ANAPC1: variants seen among roughly 807,000 people sequenced by gnomAD.
ANAPC1 encodes the protein anaphase-promoting complex subunit 1.
Under a neutral mutation model 208.0 loss-of-function variants are expected in ANAPC1, and 36 were observed. The ratio of observed to expected loss-of-function variants is 0.17; its 90% CI spans 0.13 to 0.23. The LOEUF is 0.23. Ranked by LOEUF, ANAPC1 falls within the 10% of genes least tolerant of loss-of-function variation. ANAPC1 has a pLI of 1.00. For synonymous variants in ANAPC1, 378 were observed against 695.2 expected, an observed-to-expected ratio of 0.54 and a Z score of 7.18; for missense variants, 942 against 2,011.6, an observed-to-expected ratio of 0.47 and a Z score of 10.17.
chr2:111,832,779 A>C (rs1680222849), intron 20 of ANAPC1, among the ~76,000 whole-genome samples: 1 of 151,676 alleles, frequency 6.6e-6, no homozygotes, highest in Non-Finnish European at 1.5e-5. Flanking sequence ...AATACAGAAA[A>C]ATTAGCCAGG....
chr2:111,823,000 CTTTTTTTT>C (rs58815496), intron 24 of ANAPC1, among the ~76,000 whole-genome samples: 46 of 61,280 alleles, frequency 7.5e-4, no homozygotes, highest in Non-Finnish European at 1.1e-3. Context: ...TCTTTTTATT[CTTTTTTTT>C]TTTTTTTTTT....
chr2:111,820,176 T>C (rs1277174293), intron 26 of ANAPC1, among the ~76,000 whole-genome samples: 1 of 152,098 alleles, frequency 6.6e-6, no homozygotes. Context: ...GTGAAAAAAC[T>C]TGCATCTTAG....
intron 46 of ANAPC1, among the ~76,000 whole-genome samples, chr2:111,775,712 T>C (rs938260235): frequency 1.3e-5 from 2 of 152,118 alleles, no homozygotes; most frequent in Non-Finnish European, 2.9e-5. Flanking sequence ...ATATGAAATG[T>C]GCAAATCAGG....
chr2:111,775,799 T>C (rs1240191771), intron 46 of ANAPC1, among the ~76,000 whole-genome samples: 2 of 152,176 alleles, frequency 1.3e-5, no homozygotes, highest in Non-Finnish European at 2.9e-5. Context: ...TTAAATTGAA[T>C]AAAAACGAAA....
Position 111,834,723 on chromosome 2 carries a change from G to A in ANAPC1, c.2265C>T (p.Leu755=). 1.2e-6 allele frequency: 2 copies of A among 1,613,522 alleles called. No homozygotes were observed. The highest frequency in any genetic ancestry group is 1.7e-6 in the Non-Finnish European group (2 of 1,179,774). Residue 755 remains leucine, a synonymous_variant, in exon 19 of 48, where the codon CTC becomes CTT. Coordinates refer to ENST00000341068, the MANE Select transcript of ANAPC1 (RefSeq NM_022662.4). Reference sequence around the variant, plus strand: ...AAAAAATTGCAGGTATGTGAGTAAAGAGAAGTGTAGAAGAATCCAGACTGA... The same window carrying A: ...AAAAAATTGCAGGTATGTGAGTAAAAAGAAGTGTAGAAGAATCCAGACTGA... The part of the protein sequence containing the change: ...QNLSLDSSTL[L]FTHIPAIFFV...
chr2:111,798,890 A>T (rs1375555749), intron 34 of ANAPC1, among the ~76,000 whole-genome samples: 1 of 151,938 alleles, frequency 6.6e-6, no homozygotes, highest in Non-Finnish European at 1.5e-5. Context: ...AAAAATTAGC[A>T]GGGCATGGTG....
Position 111,880,980 on chromosome 2 carries a change from G to A in ANAPC1, c.-24-131C>T. 4.8e-6 allele frequency: 4 copies of A among 829,170 alleles called. No homozygotes were observed. In the South Asian group the frequency reaches 5.5e-5, roughly 11 times the overall value. 51.4% of individuals were successfully genotyped at this position (829,170 alleles called of 1,614,324 possible). ...TATCAGACTGGTAAGTATATAAGTT[G>A]GTCATAACATAAAAGGGCATTCTAG... On this transcript the variant is annotated intron_variant, in intron 1 of 47. Coordinates refer to ENST00000341068, the MANE Select transcript of ANAPC1 (RefSeq NM_022662.4).
At chr2:111,775,181 G>A (rs1218278812) in intron 46 of ANAPC1, among the ~76,000 whole-genome samples, 14 of 152,162 alleles carry the variant, frequency 9.2e-5, no homozygotes, top group Admixed American at 2.6e-4. Context: ...CAGGACACTC[G>A]CTTGAACCCA....
intron 3 of ANAPC1, among the ~76,000 whole-genome samples, chr2:111,875,855 A>G (rs920050407): frequency 2.6e-5 from 4 of 152,186 alleles, no homozygotes; most frequent in African/African-American, 9.7e-5. Context: ...TCCTCTGCCT[A>G]GAATGCCCTT....
intron 21 of ANAPC1, among the ~76,000 whole-genome samples, chr2:111,826,178 A>G (rs1679820507): frequency 6.6e-6 from 1 of 152,212 alleles, no homozygotes; most frequent in Non-Finnish European, 1.5e-5. Flanking sequence ...ATGAGCCACC[A>G]CACCTAGCTA....
At chr2:111,851,022 A>G in intron 13 of ANAPC1, 112 bp from the exon 14 acceptor site, 6 of 1,277,030 alleles carry the variant, frequency 4.7e-6, no homozygotes, top group Non-Finnish European at 6.3e-6. Context: ...TTCTAAGTTT[A>G]TACTCACCAA....
At chr2:111,827,536 C>T (rs1679901590) in intron 21 of ANAPC1, among the ~76,000 whole-genome samples, 1 of 152,100 alleles carries the variant, frequency 6.6e-6, no homozygotes, top group Non-Finnish European at 1.5e-5. Context: ...AAATTTATCA[C>T]TTGCGGTCAG....
chr2:111,846,979 T>C (rs938288449), intron 16 of ANAPC1, among the ~76,000 whole-genome samples, 159 bp downstream of exon 16: 1 of 151,990 alleles, frequency 6.6e-6, no homozygotes, highest in African/African-American at 2.4e-5. Context: ...GCACGTAGAG[T>C]GGACATCACA....
intron 18 of ANAPC1, among the ~76,000 whole-genome samples, chr2:111,835,095 T>A (rs1282286262): frequency 1.3e-5 from 2 of 151,608 alleles, no homozygotes; most frequent in African/African-American, 2.4e-5. Flanking sequence ...TTAAAAAAAA[T>A]ATTTTCATGA....
Position 111,777,121 on chromosome 2 carries a change from T to C in ANAPC1, c.5386-64A>G. 7.5e-6 allele frequency: 4 copies of C among 532,186 alleles called. No individual in the cohort carries two copies. In the South Asian group the frequency reaches 8.1e-5, roughly 11 times the overall value. The allele number at this position is 532,186 out of a possible 1,614,324, so 33.0% of individuals were successfully genotyped here. ...GAGTGCTCTGTCTCTTCATCAGAGT[T>C]GTAGACTGAGTATTTTTTAAATGTG... On this transcript the variant is annotated intron_variant, in intron 45 of 47. Coordinates refer to ENST00000341068, the MANE Select transcript of ANAPC1 (RefSeq NM_022662.4).
rs1230085824 is a variant in ANAPC1 at position 111,829,147 on chromosome 2, G to C, written c.2625+2139C>G. On this transcript the variant is annotated intron_variant, in intron 21 of 47. Transcript: ENST00000341068. ...GAGAATCGCTTGAACCTAGGTGGCG[G>C]AGGTTGCAGTGAGCCGAGATTGTGC... is the stretch of plus-strand genomic sequence containing the variant. Among the ~76,000 whole-genome samples the C allele has an allele frequency of 2.6e-5, 4 of 152,334 alleles. No individual in the cohort carries two copies. In the South Asian group the frequency reaches 8.3e-4, roughly 32 times the overall value.
At position 111,775,283 on chromosome 2, in the gene ANAPC1, A is replaced by T. The variant is rs140098208; in HGVS notation, c.5584+1576T>A. 5.1e-3 allele frequency among the ~76,000 whole-genome samples: 772 copies of T among 152,250 alleles called. 4 individuals carry two copies. The highest frequency in any genetic ancestry group is 0.018 in the African/African-American group (746 of 41,550). On this transcript the variant is annotated intron_variant, in intron 46 of 47. Transcript: ENST00000341068. ...CTGTCTCAAAGAAAGAAAAAACAAA[A>T]CCGACATTTATATAATATAAATTGG...
intron 6 of ANAPC1, among the ~76,000 whole-genome samples, chr2:111,868,963 A>G (rs775114273): frequency 1.3e-5 from 2 of 152,144 alleles, no homozygotes; most frequent in Non-Finnish European, 2.9e-5. Flanking sequence ...GCACCACAAC[A>G]TGCCTGACAG....
chr2:111,881,527 T>C (rs2104619004), intron 1 of ANAPC1, among the ~76,000 whole-genome samples: 1 of 152,290 alleles, frequency 6.6e-6, no homozygotes, highest in South Asian at 2.1e-4. Flanking sequence ...TAGGTTTTAA[T>C]TAATTATTAC....
Sources: allele counts gnomAD v4.1 joint callset (sites outside exome capture counted in the v4.1 genomes callset), GRCh38; gene constraint gnomAD v4.1.1; transcripts MANE v1.5; gene names NCBI Gene and HGNC (gene_info 2026-07-23, HGNC 2026-07-21).